INTS10: variants seen among roughly 807,000 people sequenced by gnomAD.
INTS10 encodes chromosome 8 open reading frame 35.
INTS10 carries 44 observed loss-of-function variants against 94.4 expected under a neutral mutation model. That is an observed-to-expected ratio of 0.47 (90% CI 0.37 to 0.60). INTS10 has a LOEUF of 0.60. Among genes scored for constraint, INTS10 ranks in the 20% least tolerant of loss-of-function variants. The pLI, the probability that INTS10 is intolerant of heterozygous loss-of-function variation, is 0.00. For synonymous variants in INTS10, 341 were observed against 320.7 expected (o/e 1.06, Z -0.68); for missense variants, 797 against 868.7 (o/e 0.92, Z 1.04).
intron 8 of INTS10, 93 bp downstream of exon 8, chr8:19,825,065 C>T (rs550720793): frequency 1.3e-5 from 14 of 1,091,454 alleles, no homozygotes; most frequent in East Asian, 2.4e-5. Flanking sequence ...TTGCTGGATC[C>T]GAATAACTGT....
intron 12 of INTS10, among the ~76,000 whole-genome samples, chr8:19,835,180 T>A (rs2067553397): frequency 6.6e-6 from 1 of 152,210 alleles, no homozygotes; most frequent in Admixed American, 6.5e-5. Flanking sequence ...TTTGCTATAT[T>A]ACCTTGTATT....
chr8:19,828,528 AT>A (rs2066979999), intron 9 of INTS10, among the ~76,000 whole-genome samples: 1 of 152,226 alleles, frequency 6.6e-6, no homozygotes, highest in South Asian at 2.1e-4. Flanking sequence ...ATGTAAAAAC[AT>A]TTGGAACTCA....
At position 19,835,356 on chromosome 8, in the gene INTS10, G is replaced by A. The variant is rs2067568040; in HGVS notation, c.1531-1696G>A. Reference sequence around the variant, plus strand: ...GTGCTCAGTGTTGAATCCCGCTGTTGGCTGGGGAGTAGAAGCAGGGTGTGG... The same window carrying A: ...GTGCTCAGTGTTGAATCCCGCTGTTAGCTGGGGAGTAGAAGCAGGGTGTGG... On this transcript the variant is annotated intron_variant, in intron 12 of 16. Transcript: ENST00000397977. Among the ~76,000 whole-genome samples, 3 of 152,146 alleles carry A rather than the reference G, an allele frequency of 2.0e-5. No individual in the cohort carries two copies. In the South Asian group the frequency reaches 6.2e-4, roughly 32 times the overall value.
intron 9 of INTS10, among the ~76,000 whole-genome samples, chr8:19,828,333 T>TG (rs11376496): frequency 0.67 from 101,718 of 152,010 alleles, 34,176 homozygotes; most frequent in Non-Finnish European, 0.71. Flanking sequence ...CAACTGGAGT[T>TG]GGGGGGTGGC....
At position 19,851,868 on chromosome 8, in the gene INTS10, G is replaced by C; in HGVS notation, c.*63G>C. On this transcript the variant is annotated 3_prime_UTR_variant, in exon 17 of 17. Transcript: ENST00000397977. The surrounding 1 kb of genome is among the most constrained non-coding windows in gnomAD (Gnocchi z 5.0). ...TAATTGTAGGAGAAGACACTCAGCA[G>C]TGATTGCCATGGCACAGAGCCGTGG... 1.4e-6 allele frequency: 2 copies of C among 1,446,926 alleles called. No homozygotes were observed. Among genetic ancestry groups the C allele is most frequent in the Non-Finnish European group, 9.7e-7 (1 of 1,033,100 alleles). 89.6% of individuals were successfully genotyped at this position (1,446,926 alleles called of 1,614,324 possible).
At chr8:19,832,965 C>T (rs1001527464) in intron 11 of INTS10, among the ~76,000 whole-genome samples, 21 of 152,126 alleles carry the variant, frequency 1.4e-4, no homozygotes, top group Non-Finnish European at 2.8e-4. Context: ...TATAAAGTAC[C>T]GCCAGAAAGA....
At chr8:19,817,754 C>A in intron 1 of INTS10, 88 bp downstream of exon 1, 1 of 1,491,804 alleles carries the variant, frequency 6.7e-7, no homozygotes. Flanking sequence ...CTGCGCCTGC[C>A]TGGGGGCTGC....
chr8:19,827,348 A>G (rs1010699585), intron 9 of INTS10, among the ~76,000 whole-genome samples: 2 of 152,060 alleles, frequency 1.3e-5, no homozygotes, highest in African/African-American at 4.8e-5. Flanking sequence ...CTGAACACCC[A>G]TCTGAAGTAG....
chr8:19,829,815 C>T (rs576755606), intron 9 of INTS10, among the ~76,000 whole-genome samples: 3 of 152,224 alleles, frequency 2.0e-5, no homozygotes, highest in Non-Finnish European at 4.4e-5. Flanking sequence ...ATTACAGGCA[C>T]GTGCCACCAT....
chr8:19,833,338 T>A lies in INTS10; in HGVS notation c.1530+17T>A. 2 of 1,526,114 alleles carry A rather than the reference T, an allele frequency of 1.3e-6. No individual in the cohort carries two copies. Among genetic ancestry groups the A allele is most frequent in the African/African-American group, 2.8e-5 (2 of 71,100 alleles). The allele number at this position is 1,526,114 out of a possible 1,614,324, so 94.5% of individuals were successfully genotyped here. The stretch of plus-strand genomic sequence containing the variant: ...GAGTACAGAGTGAGTACTGCACACA[T>A]ACATGCCTGCCGCAGGTGCACGGGG... On this transcript the variant is annotated intron_variant, in intron 12 of 16. Transcript: ENST00000397977.
intron 8 of INTS10, among the ~76,000 whole-genome samples, chr8:19,825,897 T>C (rs923191584): frequency 2.0e-5 from 3 of 152,186 alleles, no homozygotes; most frequent in Admixed American, 6.5e-5. Flanking sequence ...TGTATTCTAT[T>C]AGTGACAGGG....
rs1173355952 is a variant in INTS10, at chr8:19,817,487, G to A, written c.-51G>A. The A allele has an allele frequency of 6.3e-7, 1 of 1,580,728 alleles. No homozygotes were observed. ...GGCTGCCGTGGCGGCTGAGAGTCCA[G>A]AGCCGGACGTTCCGGCCGCTTCGGG... On this transcript the variant is annotated 5_prime_UTR_variant, in exon 1 of 17. Transcript: ENST00000397977.
At chr8:19,831,186 T>G (rs1281243226) in intron 10 of INTS10, among the ~76,000 whole-genome samples, 1 of 152,210 alleles carries the variant, frequency 6.6e-6, no homozygotes, top group Non-Finnish European at 1.5e-5. Context: ...GCTGCAGTCA[T>G]GTGTCATACA....
Position 19,850,606 on chromosome 8 carries a change from TA to T in INTS10, c.1977-1042del, listed in dbSNP as rs772431936. On this transcript the variant is annotated intron_variant, in intron 16 of 16. Transcript: ENST00000397977. ...CATTTTAGAGTAATTTTAACACTTT[TA>T]TCTTGCCCAGAACATAAAAAAATCT... Among the ~76,000 whole-genome samples the T allele has an allele frequency of 5.9e-5, 9 of 152,312 alleles. No homozygotes were observed. The East Asian group carries it at 1.7e-3, about 29-fold the overall frequency.
intron 11 of INTS10, 31 bp downstream of exon 11, chr8:19,832,141 T>C (rs779236202): frequency 8.7e-7 from 1 of 1,144,968 alleles, no homozygotes; most frequent in South Asian, 1.2e-5. Context: ...TAGGTACCTG[T>C]GTCTGTACAG....
intron 15 of INTS10, among the ~76,000 whole-genome samples, chr8:19,844,801 G>A (rs529264780): frequency 6.6e-6 from 1 of 152,274 alleles, no homozygotes; most frequent in East Asian, 1.9e-4. Flanking sequence ...CAATTTGGGT[G>A]TTTTTACTTC....
chr8:19,823,804 C>G, intron 6 of INTS10, 69 bp from the exon 7 acceptor site: 1 of 1,350,586 alleles, frequency 7.4e-7, no homozygotes. Flanking sequence ...GTCAGACTTT[C>G]TTTATCAGGT....
chr8:19,823,804 C>A, intron 6 of INTS10, 69 bp from the exon 7 acceptor site: 1 of 1,350,586 alleles, frequency 7.4e-7, no homozygotes, highest in Non-Finnish European at 1.0e-6. Flanking sequence ...GTCAGACTTT[C>A]TTTATCAGGT....
At chr8:19,819,836 T>G (rs2066228904) in intron 3 of INTS10, among the ~76,000 whole-genome samples, 160 bp downstream of exon 3, 1 of 152,226 alleles carries the variant, frequency 6.6e-6, no homozygotes, top group Non-Finnish European at 1.5e-5. Context: ...CTTGACTTGC[T>G]TAGAACCCTT....
Sources: gnomAD v4.1 joint callset for allele counts (sites outside exome capture counted in the v4.1 genomes callset) on GRCh38, gnomAD v4.1.1 for gene constraint, Gnocchi (gnomAD v3.1) non-coding constraint, MANE v1.5 for transcripts, NCBI Gene and HGNC (gene_info 2026-07-23, HGNC 2026-07-21) for gene names.